The following RGS3 variants were observed in gnomAD, a reference collection of about 807,000 sequenced individuals.
RGS3 encodes the protein regulator of G-protein signalling 3.
Under a neutral mutation model 132.6 loss-of-function variants are expected in RGS3, and 80 were observed. The observed-to-expected ratio is 0.60, with a 90% confidence interval of 0.50 to 0.73. The LOEUF is 0.73. Ranked by LOEUF, RGS3 falls within the 30% of genes least tolerant of loss-of-function variation. The pLI is 0.00. For synonymous variants in RGS3, 598 were observed against 620.6 expected, an observed-to-expected ratio of 0.96 and a Z score of 0.54; for missense variants, 1,382 against 1,530.8, an observed-to-expected ratio of 0.90 and a Z score of 1.62.
At chr9:113,530,497 A>G (rs1280236043) in intron 18 of RGS3, among the ~76,000 whole-genome samples, 5 of 152,228 alleles carry the variant, frequency 3.3e-5, no homozygotes. Context: ...TTAGTTCCAC[A>G]GAGCCAAGCA....
At chr9:113,471,894 G>T (rs577831947) in intron 3 of RGS3, among the ~76,000 whole-genome samples, 1 of 152,204 alleles carries the variant, frequency 6.6e-6, no homozygotes, top group African/African-American at 2.4e-5. Flanking sequence ...TTCCTTCTAG[G>T]CAAGTGATAC....
At chr9:113,557,621 A>C (rs1232174556) in intron 19 of RGS3, among the ~76,000 whole-genome samples, 1 of 152,240 alleles carries the variant, frequency 6.6e-6, no homozygotes, top group Non-Finnish European at 1.5e-5. Flanking sequence ...TTCTCGGCTC[A>C]TCAACCAGCA....
chr9:113,553,839 G>A (rs760466842), intron 19 of RGS3, among the ~76,000 whole-genome samples: 4 of 151,748 alleles, frequency 2.6e-5, no homozygotes, highest in African/African-American at 9.7e-5. Flanking sequence ...GAGAAACTCC[G>A]TCTCCAAAAA....
chr9:113,534,080 G>A (rs1832581710), intron 18 of RGS3, among the ~76,000 whole-genome samples: 1 of 152,178 alleles, frequency 6.6e-6, no homozygotes, highest in East Asian at 1.9e-4. Flanking sequence ...CATGGGAAGT[G>A]CCCCCACTCT....
chr9:113,482,545 C>T (rs960606395), intron 4 of RGS3, among the ~76,000 whole-genome samples: 6 of 152,176 alleles, frequency 3.9e-5, no homozygotes, highest in South Asian at 2.1e-4. Context: ...GTGAGTGCCA[C>T]GGCATGGCTC....
intron 19 of RGS3, among the ~76,000 whole-genome samples, chr9:113,543,422 C>T (rs1009745246): frequency 3.3e-5 from 5 of 152,326 alleles, no homozygotes; most frequent in East Asian, 1.9e-4. Context: ...TGGATCTGCC[C>T]GTGACCAGAC....
chr9:113,517,283 C>T (rs1020832551), intron 15 of RGS3: 14 of 619,408 alleles, frequency 2.3e-5, no homozygotes, highest in African/African-American at 3.6e-5. Flanking sequence ...GTTAGACTTC[C>T]TGTCAATGAG....
chr9:113,488,497 G>A (rs1830406060), intron 7 of RGS3, among the ~76,000 whole-genome samples: 1 of 152,192 alleles, frequency 6.6e-6, no homozygotes, highest in South Asian at 2.1e-4. Context: ...TGAAGGGAAG[G>A]TCCTGAAGGA....
At chr9:113,460,521 CA>C (rs982664368) in intron 1 of RGS3, among the ~76,000 whole-genome samples, 76 of 139,962 alleles carry the variant, frequency 5.4e-4, no homozygotes, top group Middle Eastern at 7.2e-3. Flanking sequence ...ACTCCGTCTC[CA>C]AAAAAAAAAA....
At chr9:113,548,680 C>A (rs754793868) in intron 19 of RGS3, among the ~76,000 whole-genome samples, 2 of 152,210 alleles carry the variant, frequency 1.3e-5, no homozygotes, top group Admixed American at 6.5e-5. Flanking sequence ...CCTCACACCC[C>A]CTCCTCATAC....
At chr9:113,532,431 C>T (rs1040452664) in intron 18 of RGS3, among the ~76,000 whole-genome samples, 65 of 152,110 alleles carry the variant, frequency 4.3e-4, no homozygotes, top group African/African-American at 1.5e-3. Flanking sequence ...CCCATCTAAG[C>T]CAGCCAGCTC....
intron 19 of RGS3, among the ~76,000 whole-genome samples, chr9:113,567,224 C>T (rs929315631): frequency 1.3e-5 from 2 of 151,178 alleles, no homozygotes; most frequent in Non-Finnish European, 3.0e-5. Flanking sequence ...AAACCCCTCC[C>T]CTCCCCTCCC....
chr9:113,573,921 G>C (rs1377812498), intron 19 of RGS3, among the ~76,000 whole-genome samples: 3 of 152,222 alleles, frequency 2.0e-5, no homozygotes, highest in Non-Finnish European at 4.4e-5. Context: ...AGAAAGAGCA[G>C]GGCTTTGGAG....
chr9:113,540,222 G>C (rs762894938), intron 19 of RGS3, among the ~76,000 whole-genome samples: 1 of 152,092 alleles, frequency 6.6e-6, no homozygotes, highest in Admixed American at 6.6e-5. Flanking sequence ...GGACTGCTGC[G>C]AGGCTTCTAA....
Position 113,565,564 on chromosome 9 carries a change from T to A in RGS3, c.2038-17886T>A, listed in dbSNP as rs1833960490. On this transcript the variant is annotated intron_variant, in intron 19 of 24. Transcript: ENST00000350696. This position sits in a 1 kb window ranked among gnomAD's most constrained non-coding sequence, Gnocchi z 5.7. ...TGGGTAAGTCCATAAATAGCTCTGC[T>A]GACACAAAGGAGCTCTGTCTGGGGA... 9.9e-6 allele frequency: 3 copies of A among 301,884 alleles called. No homozygotes were observed. 18.7% of individuals were successfully genotyped at this position (301,884 alleles called of 1,614,324 possible). A position where few individuals can be genotyped will look rare whatever the true frequency, so the allele number is the denominator to read the frequency against.
intron 19 of RGS3, among the ~76,000 whole-genome samples, chr9:113,548,686 C>A (rs1479595919): frequency 6.6e-6 from 1 of 152,232 alleles, no homozygotes; most frequent in Non-Finnish European, 1.5e-5. Flanking sequence ...ACCCCCTCCT[C>A]ATACAGGCGA....
chr9:113,555,082 C>T (rs537298208), intron 19 of RGS3, among the ~76,000 whole-genome samples: 1 of 152,264 alleles, frequency 6.6e-6, no homozygotes, highest in East Asian at 1.9e-4. Flanking sequence ...CCTTTCTTCA[C>T]TTATCATAGA....
intron 7 of RGS3, among the ~76,000 whole-genome samples, chr9:113,494,561 A>G (rs1186960574): frequency 6.6e-6 from 1 of 152,252 alleles, no homozygotes; most frequent in Non-Finnish European, 1.5e-5. Flanking sequence ...ATCACAGTTC[A>G]CTGCAGCTTT....
Position 113,537,025 on chromosome 9 carries a change from T to A in RGS3, c.2037+107T>A. 1 of 1,105,394 alleles carries A rather than the reference T, an allele frequency of 9.0e-7. No homozygotes were observed. Among genetic ancestry groups the A allele is most frequent in the Non-Finnish European group, 1.3e-6 (1 of 769,624 alleles). 68.5% of individuals were successfully genotyped at this position (1,105,394 alleles called of 1,614,324 possible). The stretch of plus-strand genomic sequence containing the variant: ...TGGGGGCCAGCCTGAGCTTCCAACT[T>A]GGCTCTGGGCAATGAGCTCTTGGCA... On this transcript the variant is annotated intron_variant, in intron 19 of 24. Transcript: ENST00000350696. The surrounding 1 kb of genome is among the most constrained non-coding windows in gnomAD (Gnocchi z 4.3).
Sources: gnomAD v4.1 joint callset for allele counts (sites outside exome capture counted in the v4.1 genomes callset) on GRCh38, gnomAD v4.1.1 for gene constraint, Gnocchi (gnomAD v3.1) non-coding constraint, MANE v1.5 for transcripts, NCBI Gene and HGNC (gene_info 2026-07-23, HGNC 2026-07-21) for gene names.